The following GDA variants were observed in gnomAD, a reference collection of about 807,000 sequenced individuals.
GDA encodes cytoplasmic PSD-95 interactor.
GDA carries 18 observed loss-of-function variants against 59.6 expected under a neutral mutation model. The observed-to-expected ratio is 0.30, with a 90% confidence interval of 0.21 to 0.45. The LOEUF (loss-of-function observed/expected upper bound fraction) is 0.45. Ranked by LOEUF, GDA falls within the 20% of genes least tolerant of loss-of-function variation. The pLI is 1.00. For synonymous variants in GDA, 201 were observed against 201.1 expected (o/e 1.00, Z 0.00); for missense variants, 427 against 552.3 (o/e 0.77, Z 2.27).
chr9:72,221,062 G>C (rs1836790005), intron 6 of GDA, among the ~76,000 whole-genome samples: 1 of 152,162 alleles, frequency 6.6e-6, no homozygotes, highest in Admixed American at 6.5e-5. Flanking sequence ...GGGAGATTTA[G>C]ATGAAACTTT....
intron 1 of GDA, among the ~76,000 whole-genome samples, chr9:72,154,660 A>C (rs972384440): frequency 6.6e-6 from 1 of 152,220 alleles, no homozygotes; most frequent in Non-Finnish European, 1.5e-5. Flanking sequence ...TTTAGACTTG[A>C]CAATGTCATT....
At chr9:72,196,278 C>G (rs371058076) in intron 2 of GDA, among the ~76,000 whole-genome samples, 20 of 151,822 alleles carry the variant, frequency 1.3e-4, no homozygotes, top group East Asian at 9.7e-4. Flanking sequence ...ATCAGGAGTT[C>G]AAGACCAGCC....
intron 1 of GDA, among the ~76,000 whole-genome samples, chr9:72,164,546 T>A (rs1194141927): frequency 6.6e-6 from 1 of 152,104 alleles, no homozygotes; most frequent in East Asian, 1.9e-4. Flanking sequence ...ATTAAAAAAA[T>A]GTGTAGTGTT....
intron 9 of GDA, among the ~76,000 whole-genome samples, chr9:72,230,080 A>G (rs905388879): frequency 2.0e-5 from 3 of 152,222 alleles, no homozygotes; most frequent in African/African-American, 7.2e-5. Flanking sequence ...TGAGAGATTT[A>G]TTATGTATGC....
intron 4 of GDA, 85 bp downstream of exon 4, chr9:72,210,859 C>A (rs1385306552): frequency 7.3e-6 from 6 of 822,692 alleles, no homozygotes; most frequent in Non-Finnish European, 1.3e-5. Flanking sequence ...TACTTTTGGG[C>A]AGACCTGCCT....
chr9:72,172,242 AT>A (rs61088949), intron 1 of GDA, among the ~76,000 whole-genome samples: 2 of 150,646 alleles, frequency 1.3e-5, no homozygotes, highest in East Asian at 3.9e-4. Context: ...ATATATATAT[AT>A]AATAGTATAT....
chr9:72,217,950 G>A (rs1431109638), intron 5 of GDA, among the ~76,000 whole-genome samples: 4 of 151,376 alleles, frequency 2.6e-5, no homozygotes, highest in African/African-American at 7.3e-5. Context: ...GTCTTCTTCT[G>A]TAGCCCAGGC....
chr9:72,120,168 T>C (rs1047405368), intron 1 of GDA, among the ~76,000 whole-genome samples: 3 of 150,204 alleles, frequency 2.0e-5, no homozygotes, highest in Non-Finnish European at 4.4e-5. Flanking sequence ...ACAGCAATAA[T>C]TTTCCCAAAG....
At chr9:72,138,128 A>C (rs1380862310) in intron 1 of GDA, among the ~76,000 whole-genome samples, 1 of 152,036 alleles carries the variant, frequency 6.6e-6, no homozygotes, top group African/African-American at 2.4e-5. Context: ...TCCCTATCTT[A>C]GTGCACCTGA....
At chr9:72,154,176 T>C (rs1186550999) in intron 1 of GDA, among the ~76,000 whole-genome samples, 1 of 152,104 alleles carries the variant, frequency 6.6e-6, no homozygotes, top group South Asian at 2.1e-4. Flanking sequence ...GGTTGTGTCC[T>C]GGGGTGGCAG....
chr9:72,140,456 C>T (rs1437900564), intron 1 of GDA, among the ~76,000 whole-genome samples: 3 of 152,092 alleles, frequency 2.0e-5, no homozygotes, highest in Admixed American at 6.6e-5. Context: ...AACAAAGCTG[C>T]GCTGCCAGAA....
intron 1 of GDA, among the ~76,000 whole-genome samples, chr9:72,120,031 C>T (rs1564143967): frequency 6.6e-6 from 1 of 152,102 alleles, no homozygotes; most frequent in East Asian, 1.9e-4. Flanking sequence ...AGCCCATAAG[C>T]AAGAAGAGGA....
chr9:72,149,461 T>A lies in GDA; in HGVS notation c.-99T>A. ...GGGCAGGACAAGGCCGGAGCCTGTG[T>A]CCGCCCGGCAGCCGCCCGCAGCTGC... On this transcript the variant is annotated 5_prime_UTR_variant, in exon 1 of 14. Coordinates refer to ENST00000358399, the MANE Select transcript of GDA (RefSeq NM_004293.5). The A allele has an allele frequency of 1.4e-6, 2 of 1,433,488 alleles. No individual in the cohort carries two copies. The highest frequency in any genetic ancestry group is 2.5e-5 in the South Asian group (2 of 78,452). The allele number at this position is 1,433,488 out of a possible 1,614,324, so 88.8% of individuals were successfully genotyped here.
intron 4 of GDA, 152 bp downstream of exon 4, chr9:72,210,926 T>G (rs942167628): frequency 3.4e-6 from 2 of 596,506 alleles, no homozygotes; most frequent in Admixed American, 3.0e-5. Context: ...TGTCTATATG[T>G]CACTGTGGCC....
intron 2 of GDA, among the ~76,000 whole-genome samples, chr9:72,201,210 A>G (rs77114000): frequency 1.3e-5 from 2 of 148,238 alleles, no homozygotes; most frequent in Non-Finnish European, 3.0e-5. Context: ...TTTTTTTTTA[A>G]TATGTCAAAT....
chr9:72,181,014 A>G (rs986443822), intron 1 of GDA, among the ~76,000 whole-genome samples: 1 of 152,208 alleles, frequency 6.6e-6, no homozygotes, highest in Admixed American at 6.5e-5. Flanking sequence ...TCCACAGATT[A>G]CCAATGTGTG....
At chr9:72,238,470 A>C (rs1165765629) in intron 10 of GDA, among the ~76,000 whole-genome samples, 1 of 152,238 alleles carries the variant, frequency 6.6e-6, no homozygotes, top group Non-Finnish European at 1.5e-5. Context: ...AAGATAGTTA[A>C]CTTGCTCATG....
intron 1 of GDA, among the ~76,000 whole-genome samples, chr9:72,195,280 C>G (rs1167466094): frequency 6.7e-6 from 1 of 149,208 alleles, no homozygotes; most frequent in Non-Finnish European, 1.5e-5. Context: ...GATATTATGG[C>G]AGAAAAGGAG....
intron 2 of GDA, among the ~76,000 whole-genome samples, chr9:72,198,494 G>A (rs531514008): frequency 8.1e-5 from 12 of 147,682 alleles, no homozygotes; most frequent in South Asian, 4.3e-4. Flanking sequence ...AGCCGAGATC[G>A]CACCACTGCA....
Sources: allele counts gnomAD v4.1 joint callset (sites outside exome capture counted in the v4.1 genomes callset), GRCh38; gene constraint gnomAD v4.1.1; transcripts MANE v1.5; gene names NCBI Gene and HGNC (gene_info 2026-07-23, HGNC 2026-07-21).